Variants in FBXL7 observed in about 807,000 individuals in gnomAD.
FBXL7 encodes the protein F-box/LRR-repeat protein 7.
A neutral mutation model predicts 38.3 loss-of-function variants in FBXL7; 12 were observed. The ratio of observed to expected loss-of-function variants is 0.31; its 90% CI spans 0.20 to 0.51. FBXL7 has a LOEUF of 0.51. Ranked by LOEUF, FBXL7 falls within the 20% of genes least tolerant of loss-of-function variation. FBXL7 has a pLI of 0.98. For synonymous variants in FBXL7, 297 were observed against 300.9 expected (o/e 0.99, Z 0.13); for missense variants, 567 against 676.4 (o/e 0.84, Z 1.79).
intron 2 of FBXL7, among the ~76,000 whole-genome samples, chr5:15,656,174 A>G (rs1485007770): frequency 6.6e-6 from 1 of 152,222 alleles, no homozygotes; most frequent in Non-Finnish European, 1.5e-5. Flanking sequence ...AGAAACAGAT[A>G]TTTTCACAAT....
intron 2 of FBXL7, among the ~76,000 whole-genome samples, chr5:15,658,896 TCTTTA>T (rs1435494236): frequency 1.3e-5 from 2 of 152,050 alleles, no homozygotes; most frequent in African/African-American, 4.8e-5. Context: ...TGCCTTTTGG[TCTTTA>T]CTTCTTTTTT....
chr5:15,895,978 A>G (rs1238309330), intron 2 of FBXL7, among the ~76,000 whole-genome samples: 1 of 151,266 alleles, frequency 6.6e-6, no homozygotes, highest in African/African-American at 2.4e-5. Flanking sequence ...GCCAGCTGTA[A>G]AATTAGGATT....
At chr5:15,880,550 G>T (rs1056257202) in intron 2 of FBXL7, among the ~76,000 whole-genome samples, 1 of 152,018 alleles carries the variant, frequency 6.6e-6, no homozygotes, top group African/African-American at 2.4e-5. Context: ...AGCTGTTTAA[G>T]CTTAGGTTTT....
chr5:15,525,787 G>C (rs1580351897), intron 1 of FBXL7, among the ~76,000 whole-genome samples: 1 of 152,116 alleles, frequency 6.6e-6, no homozygotes, highest in East Asian at 1.9e-4. Context: ...TGTCAATATG[G>C]ATCCCATGTT....
At chr5:15,874,597 A>C (rs1053233807) in intron 2 of FBXL7, among the ~76,000 whole-genome samples, 2 of 152,256 alleles carry the variant, frequency 1.3e-5, no homozygotes, top group Non-Finnish European at 2.9e-5. Flanking sequence ...ATGTGCAAAA[A>C]TCACAACCAT....
At chr5:15,656,329 A>G (rs1417875323) in intron 2 of FBXL7, among the ~76,000 whole-genome samples, 1 of 152,230 alleles carries the variant, frequency 6.6e-6, no homozygotes, top group East Asian at 1.9e-4. Flanking sequence ...TGATAAAGAT[A>G]TACCTGAGAC....
intron 2 of FBXL7, among the ~76,000 whole-genome samples, chr5:15,686,066 G>A (rs1275660895): frequency 1.3e-5 from 2 of 152,124 alleles, no homozygotes; most frequent in Non-Finnish European, 2.9e-5. Flanking sequence ...ATGCCTTTAT[G>A]AGAGGTTTGG....
At chr5:15,795,653 T>C (rs1483268479) in intron 2 of FBXL7, among the ~76,000 whole-genome samples, 1 of 152,210 alleles carries the variant, frequency 6.6e-6, no homozygotes, top group African/African-American at 2.4e-5. Context: ...ATCATTAAAA[T>C]CAGCTTATGG....
Position 15,742,769 on chromosome 5 carries a change from C to G in FBXL7, c.127+126697C>G, listed in dbSNP as rs190762962. 1.4e-3 allele frequency among the ~76,000 whole-genome samples: 206 copies of G among 152,210 alleles called. 6 individuals carry two copies. In the South Asian group the frequency reaches 0.041, roughly 31 times the overall value. On this transcript the variant is annotated intron_variant, in intron 2 of 3. Transcript: ENST00000504595. Reference sequence around the variant, plus strand: ...CCCACACTGCTAATAAAGACATACTCGAGACTGAGTAATTTATAAAGGAAA... The same window carrying G: ...CCCACACTGCTAATAAAGACATACTGGAGACTGAGTAATTTATAAAGGAAA...
intron 1 of FBXL7, among the ~76,000 whole-genome samples, chr5:15,593,723 TA>T (rs1404087394): frequency 6.6e-6 from 1 of 152,212 alleles, no homozygotes; most frequent in African/African-American, 2.4e-5. Flanking sequence ...AAATATTTTT[TA>T]TCCCTTTTTG....
At chr5:15,892,735 G>A (rs2126385670) in intron 2 of FBXL7, among the ~76,000 whole-genome samples, 1 of 152,298 alleles carries the variant, frequency 6.6e-6, no homozygotes, top group South Asian at 2.1e-4. Context: ...CCTTCATTAA[G>A]TATTTCACCT....
chr5:15,534,180 A>G (rs1486922569), intron 1 of FBXL7, among the ~76,000 whole-genome samples: 1 of 152,180 alleles, frequency 6.6e-6, no homozygotes, highest in African/African-American at 2.4e-5. Context: ...ACACATCATT[A>G]TCACCCAAAA....
intron 3 of FBXL7, among the ~76,000 whole-genome samples, chr5:15,933,196 A>G (rs62348109): frequency 0.054 from 8,196 of 152,270 alleles, 716 homozygotes; most frequent in African/African-American, 0.19. Context: ...GCAAAACCTA[A>G]AATCTAAAAT....
intron 2 of FBXL7, among the ~76,000 whole-genome samples, chr5:15,619,125 C>T (rs1580411483): frequency 2.0e-5 from 3 of 152,278 alleles, no homozygotes; most frequent in Middle Eastern, 3.4e-3. Context: ...ACTGAGCATG[C>T]GCAGTGTGTT....
chr5:15,802,525 T>C (rs1324406015), intron 2 of FBXL7, among the ~76,000 whole-genome samples: 1 of 152,142 alleles, frequency 6.6e-6, no homozygotes, highest in Non-Finnish European at 1.5e-5. Flanking sequence ...TGGCTCTTTT[T>C]TCTTGAACAC....
At chr5:15,618,711 C>T (rs915606479) in intron 2 of FBXL7, among the ~76,000 whole-genome samples, 5 of 152,138 alleles carry the variant, frequency 3.3e-5, no homozygotes, top group Admixed American at 2.0e-4. Flanking sequence ...TAGGAAACCA[C>T]TGAGGAAGAA....
intron 2 of FBXL7, among the ~76,000 whole-genome samples, chr5:15,744,366 T>G (rs113271117): frequency 0.11 from 16,751 of 152,162 alleles, 1,012 homozygotes; most frequent in South Asian, 0.16. Context: ...ACCAGTCTCT[T>G]TGCATAGCAA....
intron 2 of FBXL7, among the ~76,000 whole-genome samples, chr5:15,754,295 G>C (rs919999817): frequency 3.3e-5 from 5 of 152,178 alleles, no homozygotes; most frequent in Non-Finnish European, 7.3e-5. Flanking sequence ...CAAGTGCTAC[G>C]AGTAGAACTG....
At chr5:15,901,673 A>G (rs1741236851) in intron 2 of FBXL7, among the ~76,000 whole-genome samples, 1 of 152,210 alleles carries the variant, frequency 6.6e-6, no homozygotes, top group African/African-American at 2.4e-5. Flanking sequence ...TTCACAAAGT[A>G]TTGCCCTTCT....
Sources: allele counts gnomAD v4.1 joint callset (sites outside exome capture counted in the v4.1 genomes callset), GRCh38; gene constraint gnomAD v4.1.1; transcripts MANE v1.5; gene names NCBI Gene and HGNC (gene_info 2026-07-23, HGNC 2026-07-21).